The following RAPGEF2 variants were observed in gnomAD, a reference collection of about 807,000 sequenced individuals.
RAPGEF2 encodes Rap guanine nucleotide exchange factor 2.
In RAPGEF2, 54 loss-of-function variants were observed where a neutral mutation model predicts 186.7. That is an observed-to-expected ratio of 0.29 (90% confidence interval 0.23 to 0.36). The LOEUF is 0.36. Among genes scored for constraint, RAPGEF2 ranks in the 10% least tolerant of loss-of-function variants. The pLI is 1.00. For synonymous variants in RAPGEF2, 712 were observed against 705.9 expected (o/e 1.01, Z -0.14); for missense variants, 1,532 against 2,045.0 (o/e 0.75, Z 4.84).
At position 159,339,211 on chromosome 4, in the gene RAPGEF2, G is replaced by A; in HGVS notation, c.2391G>A (p.Gln797=). The change falls in exon 19 of 30, where the codon CAG becomes CAA. Residue 797 remains glutamine, a synonymous_variant. Coordinates refer to ENST00000691494, the MANE Select transcript of RAPGEF2 (RefSeq NM_001394067.2). ...CTACAGCAAAGGAAGTGGTCATTCA[G>A]GCTATCAGGGAGTTTGCTGTTACTG... ...KDTTAKEVVI[Q]AIREFAVTAT... The A allele has an allele frequency of 1.2e-6, 2 of 1,614,102 alleles. No individual in the cohort carries two copies. Among genetic ancestry groups the A allele is most frequent in the Non-Finnish European group, 1.7e-6 (2 of 1,180,006 alleles).
At chr4:159,148,327 C>CTA (rs758734027) in intron 1 of RAPGEF2, among the ~76,000 whole-genome samples, 1 of 152,112 alleles carries the variant, frequency 6.6e-6, no homozygotes, top group Non-Finnish European at 1.5e-5. Context: ...GTTTCAATAA[C>CTA]TAGAGAGTAG....
At chr4:159,288,658 C>T (rs567005145) in intron 7 of RAPGEF2, among the ~76,000 whole-genome samples, 1 of 152,304 alleles carries the variant, frequency 6.6e-6, no homozygotes, top group Admixed American at 6.5e-5. Flanking sequence ...TTAATCCCTA[C>T]TGCCTGACCC....
At chr4:159,199,144 A>AT (rs1749129530) in intron 3 of RAPGEF2, among the ~76,000 whole-genome samples, 1 of 151,956 alleles carries the variant, frequency 6.6e-6, no homozygotes, top group African/African-American at 2.4e-5. Context: ...TTTGCATGGA[A>AT]TTGTAGGACA....
intron 26 of RAPGEF2, chr4:159,351,222 A>T (rs1355604409): frequency 1.3e-6 from 2 of 1,512,530 alleles, no homozygotes; most frequent in Non-Finnish European, 1.8e-6. Context: ...GAAAGAGAGG[A>T]ATCATCTCAT....
rs530629906 is a variant in RAPGEF2, at chr4:159,318,740, C to G, written c.854-3607C>G. Among the ~76,000 whole-genome samples the G allele has an allele frequency of 2.6e-5, 4 of 152,116 alleles. No homozygotes were observed. The East Asian group carries it at 7.7e-4, about 29-fold the overall frequency. On this transcript the variant is annotated intron_variant, in intron 9 of 29. Coordinates refer to ENST00000691494, the MANE Select transcript of RAPGEF2 (RefSeq NM_001394067.2). ...AGAAGACTACTTTGATCTCTTTTAA[C>G]AAGCCCCGGGTTTTTAAAAAAAATT...
chr4:159,346,724 A>G (rs1350738899), intron 24 of RAPGEF2, 65 bp from the exon 25 acceptor site: 56 of 1,330,820 alleles, frequency 4.2e-5, no homozygotes, highest in Non-Finnish European at 6.0e-5. Context: ...TTCTAGAATT[A>G]TCTTCTACAT....
chr4:159,307,294 A>G (rs1327812981), intron 8 of RAPGEF2, among the ~76,000 whole-genome samples: 1 of 152,184 alleles, frequency 6.6e-6, no homozygotes, highest in Admixed American at 6.5e-5. Context: ...TACAAGACAT[A>G]TTCATTTAGG....
Position 159,355,937 on chromosome 4 carries a change from A to G in RAPGEF2, c.4736A>G (p.His1579Arg), listed in dbSNP as rs1731930230. The change falls in exon 29 of 30, where the codon CAC (histidine) becomes CGC (arginine). Residue 1579 changes from histidine to arginine, a missense_variant. Transcript: ENST00000691494. ...GIPITDFPEGHSHPARKPPDY... is the reference protein window; with the variant it reads ...GIPITDFPEGRSHPARKPPDY... ...CCCATTACTGACTTTCCAGAAGGGC[A>G]CTCCCATCCAGCCAGGAAACCGCCG... The G allele has an allele frequency of 8.2e-6, 11 of 1,333,824 alleles. No individual in the cohort carries two copies. The highest frequency in any genetic ancestry group is 9.9e-6 in the Non-Finnish European group (10 of 1,010,774). 82.6% of individuals were successfully genotyped at this position (1,333,824 alleles called of 1,614,324 possible). A position where few individuals can be genotyped will look rare whatever the true frequency, so the allele number is the denominator to read the frequency against.
rs1167018203 is a variant in RAPGEF2 at position 159,163,542 on chromosome 4, T to G, written c.70-23100T>G. ...CTCGTATCATGTGTTGTACAAAATT[T>G]AGGCTTATGTGCAAAAATAAAAGAT... is the stretch of plus-strand genomic sequence containing the variant. On this transcript the variant is annotated intron_variant, in intron 1 of 29. Transcript: ENST00000691494. Among the ~76,000 whole-genome samples, 2 of 152,252 alleles carry G rather than the reference T, an allele frequency of 1.3e-5. 1 individual carries two copies. Among genetic ancestry groups the G allele is most frequent in the East Asian group, 3.8e-4 (2 of 5,208 alleles).
chr4:159,246,917 TGTG>T (rs1261546744), intron 7 of RAPGEF2, among the ~76,000 whole-genome samples: 1 of 152,158 alleles, frequency 6.6e-6, no homozygotes, highest in African/African-American at 2.4e-5. Flanking sequence ...CTTCAGTTTA[TGTG>T]ATATCACACC....
chr4:159,311,567 A>G (rs996397891), intron 8 of RAPGEF2, among the ~76,000 whole-genome samples: 4 of 152,214 alleles, frequency 2.6e-5, no homozygotes, highest in African/African-American at 7.2e-5. Flanking sequence ...AGTTGTATCT[A>G]CAGTTTACAT....
chr4:159,337,889 C>CAA lies in RAPGEF2; in HGVS notation c.2136-399_2136-398dup, dbSNP rs553291521. 3.7e-3 allele frequency among the ~76,000 whole-genome samples: 120 copies of CAA among 32,430 alleles called. 3 individuals are homozygous for CAA. The highest frequency in any genetic ancestry group is 0.021 in the Middle Eastern group (1 of 48). The allele number at this position is 32,430 out of a possible 152,430, so 21.3% of individuals were successfully genotyped here. On this transcript the variant is annotated intron_variant, in intron 17 of 29. Transcript: ENST00000691494. ...TGGGTGACAGAGTGAGACTCCATCT[C>CAA]AAAAAAAAAAAAAAAAAAAAAAAAG...
At chr4:159,233,827 A>G (rs1752923983) in intron 4 of RAPGEF2, among the ~76,000 whole-genome samples, 1 of 152,122 alleles carries the variant, frequency 6.6e-6, no homozygotes, top group Non-Finnish European at 1.5e-5. Flanking sequence ...ACACACAAAA[A>G]ATCAATTGAC....
At chr4:159,192,376 A>G in intron 2 of RAPGEF2, among the ~76,000 whole-genome samples, 1 of 152,218 alleles carries the variant, frequency 6.6e-6, no homozygotes, top group African/African-American at 2.4e-5. Context: ...ATGTGGGGTG[A>G]TTCTAGTGTT....
chr4:159,189,942 G>C (rs1034057306), intron 2 of RAPGEF2, among the ~76,000 whole-genome samples: 4 of 152,200 alleles, frequency 2.6e-5, no homozygotes, highest in Admixed American at 6.6e-5. Context: ...GTTCCTAGTG[G>C]AGCAGAAAAG....
At chr4:159,336,093 A>T (rs1349378835) in intron 17 of RAPGEF2, among the ~76,000 whole-genome samples, 3 of 152,234 alleles carry the variant, frequency 2.0e-5, no homozygotes, top group Non-Finnish European at 2.9e-5. Flanking sequence ...ATGATTAAAT[A>T]GAAATTTAAT....
chr4:159,253,420 C>A (rs554915952), intron 7 of RAPGEF2, among the ~76,000 whole-genome samples: 1 of 152,292 alleles, frequency 6.6e-6, no homozygotes, highest in African/African-American at 2.4e-5. Flanking sequence ...AAAGAAAAGT[C>A]ACATTTGTTA....
chr4:159,213,711 G>A (rs1750738882), intron 4 of RAPGEF2, among the ~76,000 whole-genome samples: 1 of 151,928 alleles, frequency 6.6e-6, no homozygotes, highest in Admixed American at 6.6e-5. Flanking sequence ...AGATGAGGGT[G>A]GTTTGGGTAT....
intron 1 of RAPGEF2, among the ~76,000 whole-genome samples, chr4:159,132,960 C>A (rs1337746406): frequency 6.6e-6 from 1 of 151,544 alleles, no homozygotes. Context: ...CTCTCCCACA[C>A]CTGCCTAACT....
Sources: gnomAD v4.1 joint callset for allele counts (sites outside exome capture counted in the v4.1 genomes callset) on GRCh38, gnomAD v4.1.1 for gene constraint, MANE v1.5 for transcripts, NCBI Gene and HGNC (gene_info 2026-07-23, HGNC 2026-07-21) for gene names.